The following ZBTB20 variants were observed in gnomAD, a reference collection of about 807,000 sequenced individuals.
ZBTB20 encodes the protein zinc finger and BTB domain containing 20, also known as zinc finger and BTB domain-containing protein 20.
ZBTB20 carries 9 observed loss-of-function variants against 56.9 expected under a neutral mutation model. The observed-to-expected ratio is 0.16, with a 90% confidence interval of 0.10 to 0.28. ZBTB20 has a LOEUF of 0.28. Among genes scored for constraint, ZBTB20 ranks in the 10% least tolerant of loss-of-function variants. ZBTB20 has a pLI of 1.00. For missense variants in ZBTB20, 655 were observed against 1,003.0 expected, an observed-to-expected ratio of 0.65 and a Z score of 4.69; for synonymous variants, 417 against 420.7, an observed-to-expected ratio of 0.99 and a Z score of 0.11.
intron 1 of ZBTB20, among the ~76,000 whole-genome samples, chr3:115,124,200 A>G (rs1011760402): frequency 3.3e-5 from 5 of 152,246 alleles, no homozygotes; most frequent in East Asian, 1.9e-4. Context: ...AGTGAATAGT[A>G]TATGTTTTAT....
At chr3:114,726,420 A>G (rs373355356) in intron 5 of ZBTB20, among the ~76,000 whole-genome samples, 8 of 152,236 alleles carry the variant, frequency 5.3e-5, no homozygotes, top group South Asian at 2.1e-4. Context: ...GTGGAATTCA[A>G]TATCTCTTTA....
At chr3:114,365,805 G>A (rs1560143127) in intron 10 of ZBTB20, among the ~76,000 whole-genome samples, 1 of 152,136 alleles carries the variant, frequency 6.6e-6, no homozygotes, top group Non-Finnish European at 1.5e-5. Flanking sequence ...AAGTTGACCT[G>A]CCATATTGCT....
Position 114,339,246 on chromosome 3 carries a change from T to A in ZBTB20, c.1985A>T (p.Tyr662Phe). The change falls in exon 12 of 12, where the codon TAC (tyrosine) becomes TTC (phenylalanine). Residue 662 changes from tyrosine to phenylalanine, a missense_variant. Physicochemically the swap from Tyr to Phe is conservative, Grantham distance 22 (BLOSUM62 3). Transcript: ENST00000675478. This position sits in a 1 kb window ranked among gnomAD's most constrained non-coding sequence, Gnocchi z 4.2. ...HMRLHRGEKS[Y>F]ECYICKKKFS... ...CTTCTTTTTGCAGATGTAGCACTCGTAGGACTTCTCTCCCCGGTGGAGGCG... is the reference window on the plus strand; with the variant it reads ...CTTCTTTTTGCAGATGTAGCACTCGAAGGACTTCTCTCCCCGGTGGAGGCG... 6.2e-7 allele frequency: 1 copy of A among 1,614,190 alleles called. No homozygotes were observed. Among genetic ancestry groups the A allele is most frequent in the Non-Finnish European group, 8.5e-7 (1 of 1,180,024 alleles).
chr3:114,880,399 C>A (rs1245209852), intron 4 of ZBTB20, among the ~76,000 whole-genome samples: 1 of 152,118 alleles, frequency 6.6e-6, no homozygotes, highest in Non-Finnish European at 1.5e-5. Context: ...TCCCAGACCA[C>A]TGAGAGTTTT....
At chr3:114,789,369 T>G (rs1239076902) in intron 5 of ZBTB20, among the ~76,000 whole-genome samples, 2 of 152,154 alleles carry the variant, frequency 1.3e-5, no homozygotes, top group African/African-American at 4.8e-5. Context: ...GAATTGAAAA[T>G]TTTAAGATGA....
chr3:114,820,293 T>C (rs1239719487), intron 4 of ZBTB20, among the ~76,000 whole-genome samples: 1 of 151,954 alleles, frequency 6.6e-6, no homozygotes, highest in Non-Finnish European at 1.5e-5. Context: ...TGAAAATGAG[T>C]ATTTTATGAC....
rs144929715 is a variant in ZBTB20, at chr3:114,926,638, C to A, written c.-455-26296G>T. Among the ~76,000 whole-genome samples, 10 of 152,108 alleles carry A rather than the reference C, an allele frequency of 6.6e-5. No individual in the cohort carries two copies. In the East Asian group the frequency reaches 1.9e-3, roughly 29 times the overall value. On this transcript the variant is annotated intron_variant, in intron 3 of 11. Coordinates refer to ENST00000675478, the MANE Select transcript of ZBTB20 (RefSeq NM_001348800.3). Reference sequence around the variant, plus strand: ...GGCTGAACAAAGGCAGATGAAGAGGCAATAAAGTAGGTAATAAGTACATTT... The same window carrying A: ...GGCTGAACAAAGGCAGATGAAGAGGAAATAAAGTAGGTAATAAGTACATTT...
intron 7 of ZBTB20, among the ~76,000 whole-genome samples, chr3:114,438,988 C>T (rs188252616): frequency 7.7e-4 from 117 of 152,202 alleles, no homozygotes; most frequent in African/African-American, 2.5e-3. Flanking sequence ...TGTCTTCCTA[C>T]GGTAAGGACA....
At chr3:114,622,076 C>A (rs764921479) in intron 6 of ZBTB20, among the ~76,000 whole-genome samples, 3 of 152,142 alleles carry the variant, frequency 2.0e-5, no homozygotes, top group Non-Finnish European at 4.4e-5. Context: ...TATATAATTT[C>A]ATATGTAGTC....
At chr3:114,598,300 T>C (rs1298708913) in intron 6 of ZBTB20, among the ~76,000 whole-genome samples, 2 of 152,076 alleles carry the variant, frequency 1.3e-5, no homozygotes, top group Admixed American at 6.6e-5. Context: ...TAATAAAGAT[T>C]ATTAAAATTT....
intron 4 of ZBTB20, among the ~76,000 whole-genome samples, chr3:114,880,435 C>A (rs969190779): frequency 6.6e-6 from 1 of 152,008 alleles, no homozygotes; most frequent in African/African-American, 2.4e-5. Flanking sequence ...AAGTTTTATG[C>A]CAAGAACTGA....
chr3:114,412,897 A>G (rs2088123391), intron 7 of ZBTB20, among the ~76,000 whole-genome samples: 1 of 152,088 alleles, frequency 6.6e-6, no homozygotes, highest in Admixed American at 6.6e-5. Flanking sequence ...TTCTTCCTCT[A>G]TGGTCCAGTT....
intron 5 of ZBTB20, among the ~76,000 whole-genome samples, chr3:114,778,022 A>G (rs1578824908): frequency 6.9e-6 from 1 of 144,036 alleles, no homozygotes; most frequent in East Asian, 2.1e-4. Context: ...GCATGTTCTC[A>G]CTCATAGGTG....
At chr3:114,595,680 C>A (rs1487906555) in intron 6 of ZBTB20, among the ~76,000 whole-genome samples, 1 of 152,164 alleles carries the variant, frequency 6.6e-6, no homozygotes, top group Non-Finnish European at 1.5e-5. Context: ...AAAAACTGGG[C>A]AAAGTCTTGC....
intron 5 of ZBTB20, among the ~76,000 whole-genome samples, chr3:114,719,427 A>G (rs2064752556): frequency 6.6e-6 from 1 of 152,074 alleles, no homozygotes; most frequent in Non-Finnish European, 1.5e-5. Flanking sequence ...CTGCCACTGA[A>G]TATCATGAGG....
At chr3:114,379,780 T>G (rs2084090624) in intron 10 of ZBTB20, among the ~76,000 whole-genome samples, 1 of 152,226 alleles carries the variant, frequency 6.6e-6, no homozygotes, top group African/African-American at 2.4e-5. Context: ...CCAAGCTACA[T>G]GAGACTCCAA....
intron 4 of ZBTB20, among the ~76,000 whole-genome samples, chr3:114,803,527 C>T (rs1161057520): frequency 6.6e-6 from 1 of 151,788 alleles, no homozygotes; most frequent in African/African-American, 2.4e-5. Context: ...TTGGCGACTA[C>T]ATATCTTGGC....
intron 6 of ZBTB20, among the ~76,000 whole-genome samples, chr3:114,644,994 A>G (rs2059762451): frequency 6.6e-6 from 1 of 152,076 alleles, no homozygotes; most frequent in African/African-American, 2.4e-5. Context: ...GATAATGAAT[A>G]TTCAAGGACA....
chr3:114,409,125 CTTTTTTTTTTTTT>C (rs56339103), intron 7 of ZBTB20, among the ~76,000 whole-genome samples: 44 of 71,986 alleles, frequency 6.1e-4, no homozygotes, highest in Admixed American at 2.5e-3. Flanking sequence ...AAAGGGAAGA[CTTTTTTTTTTTTT>C]TTTTTTTTTT....
Sources: gnomAD v4.1 joint callset for allele counts (sites outside exome capture counted in the v4.1 genomes callset) on GRCh38, gnomAD v4.1.1 for gene constraint, Gnocchi (gnomAD v3.1) non-coding constraint, MANE v1.5 for transcripts, NCBI Gene and HGNC (gene_info 2026-07-23, HGNC 2026-07-21) for gene names.